DPF3: variants seen among roughly 807,000 people sequenced by gnomAD.
DPF3 encodes the protein zinc finger protein DPF3.
A neutral mutation model predicts 56.8 loss-of-function variants in DPF3; 18 were observed. That is an observed-to-expected ratio of 0.32 (90% confidence interval 0.22 to 0.47). The LOEUF is 0.47. Ranked by LOEUF, DPF3 falls within the 20% of genes least tolerant of loss-of-function variation. The pLI is 1.00. For synonymous variants in DPF3, 188 were observed against 180.2 expected (o/e 1.04, Z -0.35); for missense variants, 403 against 488.8 (o/e 0.82, Z 1.65).
At chr14:72,888,321 C>G (rs1415710143) in intron 1 of DPF3, among the ~76,000 whole-genome samples, 2 of 152,192 alleles carry the variant, frequency 1.3e-5, no homozygotes, top group East Asian at 3.8e-4. Context: ...CACCTCCTAA[C>G]CACTGCTTTT....
chr14:72,805,079 C>T (rs1160148819), intron 1 of DPF3, among the ~76,000 whole-genome samples: 2 of 151,972 alleles, frequency 1.3e-5, no homozygotes, highest in Non-Finnish European at 2.9e-5. Flanking sequence ...AACACACAGA[C>T]ACACACACAC....
intron 1 of DPF3, among the ~76,000 whole-genome samples, chr14:72,779,674 A>T (rs1013254253): frequency 6.6e-6 from 1 of 152,230 alleles, no homozygotes; most frequent in Non-Finnish European, 1.5e-5. Flanking sequence ...GACCTGAGAA[A>T]ATTTAATAAG....
At chr14:72,705,947 AAGAG>A (rs1555498606) in intron 6 of DPF3, among the ~76,000 whole-genome samples, 1 of 151,542 alleles carries the variant, frequency 6.6e-6, no homozygotes, top group Non-Finnish European at 1.5e-5. Context: ...GAGAAAAAAA[AAGAG>A]AGAGAGAGAG....
intron 8 of DPF3, among the ~76,000 whole-genome samples, chr14:72,641,673 C>G (rs146397782): frequency 1.7e-3 from 258 of 152,308 alleles, no homozygotes; most frequent in African/African-American, 5.9e-3. Context: ...GAGGTGAGGA[C>G]AGAAATGGTG....
At chr14:72,764,233 T>C (rs1891172115) in intron 2 of DPF3, among the ~76,000 whole-genome samples, 1 of 152,148 alleles carries the variant, frequency 6.6e-6, no homozygotes, top group African/African-American at 2.4e-5. Flanking sequence ...TAGTCACTAA[T>C]GGCCAATGAT....
chr14:72,893,185 G>A (rs533163411), intron 1 of DPF3, among the ~76,000 whole-genome samples: 1 of 152,120 alleles, frequency 6.6e-6, no homozygotes, highest in African/African-American at 2.4e-5. Flanking sequence ...GCCCGGCCGG[G>A]AGCAGACGCT....
At chr14:72,892,220 T>C in intron 1 of DPF3, 1 of 1,535,454 alleles carries the variant, frequency 6.5e-7, no homozygotes, top group Non-Finnish European at 8.7e-7. Flanking sequence ...TGATTTCGGC[T>C]GGAAATGGGG....
intron 1 of DPF3, among the ~76,000 whole-genome samples, chr14:72,875,339 C>T (rs148608510): frequency 0.013 from 1,939 of 152,112 alleles, 45 homozygotes; most frequent in African/African-American, 0.044. Context: ...CCTGGGAGGT[C>T]GAGGCTGCAG....
intron 3 of DPF3, among the ~76,000 whole-genome samples, chr14:72,748,291 TG>T (rs1313388916): frequency 7.2e-5 from 11 of 152,250 alleles, no homozygotes; most frequent in African/African-American, 2.7e-4. Context: ...GGGGGCATTT[TG>T]CCCCTGCCCT....
chr14:72,627,329 A>G (rs374183060), intron 9 of DPF3, among the ~76,000 whole-genome samples: 2 of 152,064 alleles, frequency 1.3e-5, no homozygotes, highest in Non-Finnish European at 1.5e-5. Flanking sequence ...ATTTTTATGT[A>G]TGGTGTAAGA....
At chr14:72,623,707 T>C in intron 9 of DPF3, among the ~76,000 whole-genome samples, 1 of 152,184 alleles carries the variant, frequency 6.6e-6, no homozygotes. Context: ...TCAGTATAAA[T>C]TCATGGTGTA....
chr14:72,720,607 C>G (rs1181266401), intron 5 of DPF3, among the ~76,000 whole-genome samples: 2 of 152,226 alleles, frequency 1.3e-5, no homozygotes, highest in South Asian at 2.1e-4. Flanking sequence ...AGCTGAAATA[C>G]GACTTTTCTT....
chr14:72,836,712 A>G (rs1407932052), intron 1 of DPF3, among the ~76,000 whole-genome samples: 1 of 152,004 alleles, frequency 6.6e-6, no homozygotes, highest in Non-Finnish European at 1.5e-5. Context: ...TAACAGGACT[A>G]GCTCTCAGGA....
intron 3 of DPF3, among the ~76,000 whole-genome samples, chr14:72,737,553 G>A (rs1889942970): frequency 6.6e-6 from 1 of 152,202 alleles, no homozygotes; most frequent in Non-Finnish European, 1.5e-5. Flanking sequence ...GGCTCAGGAT[G>A]AAGGACTGGA....
chr14:72,869,679 C>T (rs183165393), intron 1 of DPF3, among the ~76,000 whole-genome samples: 44 of 152,066 alleles, frequency 2.9e-4, no homozygotes, highest in East Asian at 9.7e-4. Context: ...AATGTGGGGA[C>T]GGAAAAAGAG....
At chr14:72,767,838 A>C (rs1891355203) in intron 2 of DPF3, among the ~76,000 whole-genome samples, 1 of 151,950 alleles carries the variant, frequency 6.6e-6, no homozygotes, top group Non-Finnish European at 1.5e-5. Context: ...AACCCAAAAA[A>C]TCTATGGCAA....
chr14:72,892,164 T>C lies in DPF3; in HGVS notation c.32+1893A>G, dbSNP rs1014230711. ...AAACAAACCTGGTGCACATGTGAAA[T>C]AGGTTCTCTAACTTGAGTTTACCAG... On this transcript the variant is annotated intron_variant, in intron 1 of 10. Transcript: ENST00000556509. The C allele has an allele frequency of 7.8e-6, 12 of 1,535,238 alleles. No homozygotes were observed. The African/African-American group carries it at 1.6e-4, about 21-fold the overall frequency.
chr14:72,820,057 G>T (rs1883464976), intron 1 of DPF3, among the ~76,000 whole-genome samples: 1 of 152,022 alleles, frequency 6.6e-6, no homozygotes, highest in Non-Finnish European at 1.5e-5. Context: ...GAACTTTTGG[G>T]GATAATAATA....
At chr14:72,821,133 C>CAAAAAAA (rs976081670) in intron 1 of DPF3, among the ~76,000 whole-genome samples, 13 of 116,876 alleles carry the variant, frequency 1.1e-4, no homozygotes, top group South Asian at 2.7e-4. Flanking sequence ...AACTCTATCT[C>CAAAAAAA]AAAAAAAAAA....
Sources: allele counts gnomAD v4.1 joint callset (sites outside exome capture counted in the v4.1 genomes callset), GRCh38; gene constraint gnomAD v4.1.1; transcripts MANE v1.5; gene names NCBI Gene and HGNC (gene_info 2026-07-23, HGNC 2026-07-21).